SYNE2: variants seen among roughly 807,000 people sequenced by gnomAD.
SYNE2 encodes spectrin repeat containing nuclear envelope protein 2.
Under a neutral mutation model 856.3 loss-of-function variants are expected in SYNE2, and 431 were observed. The observed-to-expected ratio is 0.50, with a 90% confidence interval of 0.47 to 0.55. The LOEUF is 0.55. SYNE2 is among the 20% of genes least tolerant of loss of function. The probability of loss-of-function intolerance (pLI) is 0.00; values close to 1 mark genes in which losing one functional copy is unlikely to be tolerated. For synonymous variants in SYNE2, 2,923 were observed against 2,872.3 expected, an observed-to-expected ratio of 1.02 and a Z score of -0.56; for missense variants, 8,129 against 8,023.2, an observed-to-expected ratio of 1.01 and a Z score of -0.50.
intron 1 of SYNE2, among the ~76,000 whole-genome samples, chr14:63,777,485 C>G (rs1887152394): frequency 6.6e-6 from 1 of 152,038 alleles, no homozygotes; most frequent in African/African-American, 2.4e-5. Flanking sequence ...CAGTGAGCAG[C>G]CTAGGTGACA....
chr14:63,889,431 T>C (rs1002079714), intron 1 of SYNE2, among the ~76,000 whole-genome samples: 1 of 152,100 alleles, frequency 6.6e-6, no homozygotes, highest in African/African-American at 2.4e-5. Flanking sequence ...GCATTATTAT[T>C]AAAGTATAAT....
intron 38 of SYNE2, chr14:64,023,144 G>GGAGGC: frequency 2.6e-6 from 1 of 384,044 alleles, no homozygotes; most frequent in Non-Finnish European, 4.8e-6. Flanking sequence ...GTAGTCCCAG[G>GGAGGC]TGAGAGGATC....
chr14:64,136,861 T>C lies in SYNE2; in HGVS notation c.14647-926T>C, dbSNP rs143229418. Among the ~76,000 whole-genome samples the C allele has an allele frequency of 3.0e-3, 458 of 152,214 alleles. 3 individuals carry two copies. Among genetic ancestry groups the C allele is most frequent in the Non-Finnish European group, 5.5e-3 (375 of 67,994 alleles). Reference sequence around the variant, plus strand: ...ATCTGAAGTGCTTTCGGGGGCAGAATAGAAATAAGGAAACCCTACTGGCTC... The same window carrying C: ...ATCTGAAGTGCTTTCGGGGGCAGAACAGAAATAAGGAAACCCTACTGGCTC... On this transcript the variant is annotated intron_variant, in intron 78 of 115. Transcript: ENST00000555002.
In SYNE2 at chr14:64,202,867, C is replaced by A. The variant is rs373057023; in HGVS notation, c.18105C>A (p.Arg6035=). 5 of 1,614,032 alleles carry A rather than the reference C, an allele frequency of 3.1e-6. No homozygotes were observed. Among genetic ancestry groups the A allele is most frequent in the Non-Finnish European group, 4.2e-6 (5 of 1,180,052 alleles). Reference sequence around the variant, plus strand: ...TGGACAAAAACATGAGCAACCTTCGCACCTGGTTGGCTCGAATTGAGTCTG... The same window carrying A: ...TGGACAAAAACATGAGCAACCTTCGAACCTGGTTGGCTCGAATTGAGTCTG... ...QQLDKNMSNL[R]TWLARIESEL... is the part of the protein sequence containing the mutation. Residue 6035 remains arginine, a synonymous_variant, in exon 100 of 116, where the codon CGC becomes CGA. Coordinates refer to ENST00000555002, the MANE Select transcript of SYNE2 (RefSeq NM_182914.3).
intron 1 of SYNE2, among the ~76,000 whole-genome samples, chr14:63,883,527 T>C (rs1314808919): frequency 1.2e-5 from 1 of 80,828 alleles, no homozygotes; most frequent in Non-Finnish European, 2.8e-5. Flanking sequence ...CTTTTTTTGG[T>C]ATTTTTTTTG....
At chr14:63,869,880 A>G (rs2140359339) in intron 1 of SYNE2, among the ~76,000 whole-genome samples, 1 of 152,232 alleles carries the variant, frequency 6.6e-6, no homozygotes, top group East Asian at 1.9e-4. Flanking sequence ...CTCTCAAGTA[A>G]TAGCATGAAC....
At position 64,225,709 on chromosome 14, in the gene SYNE2, C is replaced by T. The variant is rs1370239216; in HGVS notation, c.*183C>T. On this transcript the variant is annotated 3_prime_UTR_variant, in exon 116 of 116. Transcript: ENST00000555002. ...GGCAGCTTTCAGATTGTGTTCCTCC[C>T]CAGGAGCAGGGAACCTGTGTGGCAG... The T allele has an allele frequency of 2.9e-6, 2 of 692,790 alleles. No homozygotes were observed. Among genetic ancestry groups the T allele is most frequent in the Non-Finnish European group, 5.1e-6 (2 of 394,194 alleles). The allele number at this position is 692,790 out of a possible 1,614,324, so 42.9% of individuals were successfully genotyped here.
intron 3 of SYNE2, among the ~76,000 whole-genome samples, chr14:63,941,067 T>C (rs2095908013): frequency 6.6e-6 from 1 of 152,162 alleles, no homozygotes; most frequent in Admixed American, 6.5e-5. Flanking sequence ...CCCTATGAAA[T>C]AGATAGTAAT....
rs1387916738 is a variant in SYNE2 at position 63,969,637 on chromosome 14, G to A, written c.1128+1791G>A. ...ATTACAGGCATGAGCCACTGTGCCC[G>A]GCCCTTATTTTTTTTATGGCTGAAT... On this transcript the variant is annotated intron_variant, in intron 11 of 115. Transcript: ENST00000555002. Among the ~76,000 whole-genome samples, 11 of 151,746 alleles carry A rather than the reference G, an allele frequency of 7.2e-5. No individual in the cohort carries two copies. The South Asian group carries it at 2.1e-3, about 29-fold the overall frequency.
intron 51 of SYNE2, among the ~76,000 whole-genome samples, chr14:64,070,221 A>C (rs2097394818): frequency 6.6e-6 from 1 of 152,166 alleles, no homozygotes; most frequent in South Asian, 2.1e-4. Flanking sequence ...CTTTTTTAGC[A>C]TACAGGGATT....
intron 1 of SYNE2, among the ~76,000 whole-genome samples, chr14:63,783,878 GTA>G (rs1887417590): frequency 6.6e-6 from 1 of 152,188 alleles, no homozygotes; most frequent in African/African-American, 2.4e-5. Context: ...AACAGGGACT[GTA>G]GATTCAATAG....
intron 94 of SYNE2, among the ~76,000 whole-genome samples, chr14:64,171,465 G>A (rs981616579): frequency 1.3e-5 from 2 of 152,146 alleles, no homozygotes; most frequent in Non-Finnish European, 1.5e-5. Flanking sequence ...TAAGACTTAC[G>A]TAGATCATTA....
intron 1 of SYNE2, among the ~76,000 whole-genome samples, chr14:63,905,909 G>A (rs184686474): frequency 1.8e-4 from 28 of 152,204 alleles, no homozygotes; most frequent in Non-Finnish European, 5.9e-5. Context: ...GCTTTTGCCC[G>A]TTGAATATGA....
chr14:63,970,651 C>CTTTTTTTTTTTTT lies in SYNE2; in HGVS notation c.1128+2813_1128+2825dup, dbSNP rs61126600. On this transcript the variant is annotated intron_variant, in intron 11 of 115. Transcript: ENST00000555002. ...TTCTGTCTTTTTTCTTTTCTTTTTTCTTTTTTTTTTTTTTTTTTTTGAGAT... is the reference window on the plus strand; with the variant it reads ...TTCTGTCTTTTTTCTTTTCTTTTTTCTTTTTTTTTTTTTTTTTTTTTTTTTTTTTTTTTGAGAT... Among the ~76,000 whole-genome samples the CTTTTTTTTTTTTT allele has an allele frequency of 1.4e-3, 136 of 98,894 alleles. 1 individual carries two copies. The highest frequency in any genetic ancestry group is 1.9e-3 in the Non-Finnish European group (98 of 52,522). The allele number at this position is 98,894 out of a possible 152,430, so 64.9% of individuals were successfully genotyped here. A position where few individuals can be genotyped will look rare whatever the true frequency, so the allele number is the denominator to read the frequency against.
intron 113 of SYNE2, 102 bp downstream of exon 113, chr14:64,223,482 GC>G (rs1242581841): frequency 7.2e-7 from 1 of 1,395,962 alleles, no homozygotes; most frequent in East Asian, 2.4e-5. Context: ...AGAAGCAAGG[GC>G]CAGGTGGTCC....
At chr14:64,162,818 C>A (rs1018493839) in intron 88 of SYNE2, 2 of 201,470 alleles carry the variant, frequency 9.9e-6, no homozygotes, top group East Asian at 2.4e-4. Context: ...GTATCTTCTG[C>A]TACTGTAGGT....
At chr14:63,927,528 AT>A (rs2095685680) in intron 2 of SYNE2, among the ~76,000 whole-genome samples, 1 of 152,140 alleles carries the variant, frequency 6.6e-6, no homozygotes, top group South Asian at 2.1e-4. Context: ...AATAAGTCTC[AT>A]GAGATCTGAT....
chr14:64,223,948 T>C (rs2098706341), intron 113 of SYNE2, among the ~76,000 whole-genome samples: 1 of 152,252 alleles, frequency 6.6e-6, no homozygotes, highest in Middle Eastern at 3.4e-3. Context: ...CTCTGTGCTA[T>C]GGGTTGGTTT....
chr14:64,162,978 C>T (rs2098340488), intron 88 of SYNE2: 1 of 188,146 alleles, frequency 5.3e-6, no homozygotes, highest in Admixed American at 5.3e-5. Flanking sequence ...TTAAAATCAG[C>T]CTGATTAATA....
Sources: allele counts gnomAD v4.1 joint callset (sites outside exome capture counted in the v4.1 genomes callset), GRCh38; gene constraint gnomAD v4.1.1; transcripts MANE v1.5; gene names NCBI Gene and HGNC (gene_info 2026-07-23, HGNC 2026-07-21).